The following COLEC10 variants were observed in gnomAD, a reference collection of about 807,000 sequenced individuals.
COLEC10 encodes collectin-10.
In COLEC10, 22 loss-of-function variants were observed where a neutral mutation model predicts 28.4. The observed-to-expected ratio is 0.78, with a 90% CI of 0.55 to 1.11. COLEC10 has a LOEUF of 1.11. Among genes scored for constraint, COLEC10 ranks in the 50% least tolerant of loss-of-function variants. The pLI is 0.00. For missense variants in COLEC10, 361 were observed against 344.1 expected, an observed-to-expected ratio of 1.05 and a Z score of -0.39; for synonymous variants, 125 against 116.1, an observed-to-expected ratio of 1.08 and a Z score of -0.49.
At chr8:119,070,514 CT>C (rs1435175188) in intron 1 of COLEC10, among the ~76,000 whole-genome samples, 16 of 81,208 alleles carry the variant, frequency 2.0e-4, no homozygotes, top group African/African-American at 3.3e-4. Context: ...TCTCTCCCCC[CT>C]CCTTCCCTCC....
intron 2 of COLEC10, among the ~76,000 whole-genome samples, chr8:119,041,937 C>G (rs1347773748): frequency 6.6e-6 from 1 of 152,040 alleles, no homozygotes; most frequent in Non-Finnish European, 1.5e-5. Context: ...CAGATTCAGA[C>G]TGGCCAGATA....
chr8:119,022,526 G>C (rs1280936390), intron 2 of COLEC10, among the ~76,000 whole-genome samples: 2 of 152,090 alleles, frequency 1.3e-5, no homozygotes, highest in African/African-American at 4.8e-5. Context: ...TGTTAGGAAA[G>C]ACTACTTATT....
intron 2 of COLEC10, among the ~76,000 whole-genome samples, chr8:119,045,786 T>C (rs548911803): frequency 5.9e-5 from 9 of 152,232 alleles, no homozygotes; most frequent in Non-Finnish European, 1.0e-4. Context: ...CATAGCCCTC[T>C]GTTTACATGT....
chr8:119,008,316 A>G (rs1270506226), intron 1 of COLEC10, among the ~76,000 whole-genome samples: 1 of 150,894 alleles, frequency 6.6e-6, no homozygotes, highest in African/African-American at 2.5e-5. Context: ...GGAAAGTCCC[A>G]GAATACCATT....
chr8:119,036,115 T>A (rs1232310318), intron 2 of COLEC10, among the ~76,000 whole-genome samples: 1 of 152,100 alleles, frequency 6.6e-6, no homozygotes, highest in African/African-American at 2.4e-5. Context: ...AGACACAGAG[T>A]GTTAAAAGAA....
At chr8:118,989,682 G>A in the COLEC10 span, among the ~76,000 whole-genome samples, 1 of 151,800 alleles carries the variant, frequency 6.6e-6, no homozygotes, top group Non-Finnish European at 1.5e-5. Context: ...ATATCAATGT[G>A]TTAGTAGCTT....
intron 2 of COLEC10, among the ~76,000 whole-genome samples, chr8:119,025,123 A>G (rs1454246735): frequency 1.3e-5 from 2 of 152,204 alleles, no homozygotes; most frequent in African/African-American, 4.8e-5. Context: ...TCAAATCTAC[A>G]GTCTATTCCT....
chr8:119,065,567 G>A (rs2130208364), upstream of COLEC10, among the ~76,000 whole-genome samples: 1 of 152,118 alleles, frequency 6.6e-6, no homozygotes, highest in Middle Eastern at 3.4e-3. Context: ...TAAATGTAAT[G>A]TGCTTGAGGC....
In COLEC10 at chr8:119,106,450, T is replaced by G; in HGVS notation, c.*259T>G. 2.8e-6 allele frequency: 1 copy of G among 360,294 alleles called. No homozygotes were observed. The highest frequency in any genetic ancestry group is 5.2e-6 in the Non-Finnish European group (1 of 193,356). 22.3% of individuals were successfully genotyped at this position (360,294 alleles called of 1,614,324 possible). ...TTTTAATTACTAATTGTGCACGAGA[T>G]AGTTGGTTGTCTATATGTCAAATGA... On this transcript the variant is annotated 3_prime_UTR_variant, in exon 6 of 6. Coordinates refer to ENST00000332843, the MANE Select transcript of COLEC10 (RefSeq NM_006438.5).
chr8:119,029,832 A>C (rs1018407736), intron 2 of COLEC10, among the ~76,000 whole-genome samples: 6 of 152,220 alleles, frequency 3.9e-5, no homozygotes, highest in Non-Finnish European at 7.3e-5. Flanking sequence ...TGCCCTTGTT[A>C]ATTGATGGGA....
At chr8:119,001,925 A>T (rs1432121637) in intron 1 of COLEC10, among the ~76,000 whole-genome samples, 1 of 152,200 alleles carries the variant, frequency 6.6e-6, no homozygotes, top group African/African-American at 2.4e-5. Flanking sequence ...AGCTTTGGCA[A>T]TCAAAAATCA....
intron 1 of COLEC10, among the ~76,000 whole-genome samples, chr8:119,079,250 C>A (rs960931685): frequency 6.6e-6 from 1 of 152,114 alleles, no homozygotes; most frequent in Admixed American, 6.6e-5. Context: ...ATGTGCATGA[C>A]CACATTTACT....
At chr8:119,100,265 G>A (rs1278960486) in intron 3 of COLEC10, among the ~76,000 whole-genome samples, 1 of 152,066 alleles carries the variant, frequency 6.6e-6, no homozygotes. Flanking sequence ...AGATGTCCTC[G>A]AGCAAGTTAT....
At chr8:119,058,457 C>T (rs866883259) in intron 2 of COLEC10, among the ~76,000 whole-genome samples, 11 of 152,126 alleles carry the variant, frequency 7.2e-5, no homozygotes, top group Middle Eastern at 3.4e-3. Context: ...CACACATCTG[C>T]TTTCTATGTG....
chr8:119,015,327 G>T (rs1456242136), intron 2 of COLEC10, among the ~76,000 whole-genome samples: 1 of 150,852 alleles, frequency 6.6e-6, no homozygotes, highest in Admixed American at 6.6e-5. Context: ...TGCCCATTAG[G>T]TAGGACAGGA....
At chr8:118,997,355 T>C (rs1483469923) in intron 1 of COLEC10, among the ~76,000 whole-genome samples, 1 of 152,202 alleles carries the variant, frequency 6.6e-6, no homozygotes, top group Non-Finnish European at 1.5e-5. Flanking sequence ...CCTGTGCTTT[T>C]GATGTCATAT....
At chr8:119,027,574 A>G (rs959691782) in intron 2 of COLEC10, among the ~76,000 whole-genome samples, 1 of 152,216 alleles carries the variant, frequency 6.6e-6, no homozygotes, top group Non-Finnish European at 1.5e-5. Context: ...CAGAGGGACA[A>G]CAATTTTTTC....
chr8:118,977,534 G>C, the COLEC10 span, among the ~76,000 whole-genome samples: 1 of 144,186 alleles, frequency 6.9e-6, no homozygotes, highest in African/African-American at 2.6e-5. Context: ...CTCACTCATA[G>C]GTGGGAACTG....
chr8:119,021,679 T>A (rs13262276), intron 2 of COLEC10, among the ~76,000 whole-genome samples: 100,359 of 152,036 alleles, frequency 0.66, 34,561 homozygotes, highest in African/African-American at 0.86. Context: ...AGGAATGTTC[T>A]TCTATGGTTC....
Sources: allele counts gnomAD v4.1 joint callset (sites outside exome capture counted in the v4.1 genomes callset), GRCh38; gene constraint gnomAD v4.1.1; transcripts MANE v1.5; gene names NCBI Gene and HGNC (gene_info 2026-07-23, HGNC 2026-07-21).